KPNA7: variants seen among roughly 807,000 people sequenced by gnomAD.
KPNA7 encodes karyopherin subunit alpha 7.
A neutral mutation model predicts 53.7 loss-of-function variants in KPNA7; 54 were observed. The ratio of observed to expected loss-of-function variants is 1.01; its 90% CI spans 0.81 to 1.26. The LOEUF (loss-of-function observed/expected upper bound fraction) is 1.26. Among genes scored for constraint, KPNA7 ranks in the 50% most tolerant of loss-of-function variants. The probability of loss-of-function intolerance (pLI) is 0.00; values close to 1 mark genes in which losing one functional copy is unlikely to be tolerated. For synonymous variants in KPNA7, 276 were observed against 259.3 expected, an observed-to-expected ratio of 1.06 and a Z score of -0.62; for missense variants, 640 against 644.5, an observed-to-expected ratio of 0.99 and a Z score of 0.07.
the KPNA7 span, among the ~76,000 whole-genome samples, chr7:99,160,171 C>T: frequency 6.6e-6 from 1 of 151,442 alleles, no homozygotes; most frequent in African/African-American, 2.4e-5. Context: ...ACTACAGGTG[C>T]CCGCCACCAT....
downstream of KPNA7, among the ~76,000 whole-genome samples, chr7:99,169,241 G>A (rs1307937423): frequency 6.6e-6 from 1 of 152,208 alleles, no homozygotes; most frequent in East Asian, 1.9e-4. Context: ...AGGTCCCTGA[G>A]AAGGTAGGTG....
In KPNA7 at chr7:99,178,055, T is replaced by C. The variant is rs1005408254; in HGVS notation, c.1329A>G (p.Lys443=). 3.2e-6 allele frequency: 5 copies of C among 1,551,304 alleles called. No homozygotes were observed. The highest frequency in any genetic ancestry group is 3.9e-5 in the Admixed American group (2 of 50,932). ...GACACAGGTTTTCCTTCTCAGACCGTTTCTCTGCCGCCTGTGACCAAGTAC... is the reference window on the plus strand; with the variant it reads ...GACACAGGTTTTCCTTCTCAGACCGCTTCTCTGCCGCCTGTGACCAAGTAC... ...VISCILQAAE[K]RSEKENLCLL... is the part of the protein sequence containing the mutation. The change falls in exon 10 of 11, where the codon AAA becomes AAG. Residue 443 remains lysine (K), a synonymous_variant. Transcript: ENST00000327442.
At chr7:99,213,785 AT>A (rs960495039) in intron 1 of KPNA7, among the ~76,000 whole-genome samples, 3 of 151,472 alleles carry the variant, frequency 2.0e-5, no homozygotes, top group African/African-American at 7.3e-5. Flanking sequence ...TAATGTTTTC[AT>A]TTTTCAGAGA....
At position 99,185,094 on chromosome 7, in the gene KPNA7, A is replaced by G; in HGVS notation, c.969T>C (p.Asp323=). 1 of 1,552,004 alleles carries G rather than the reference A, an allele frequency of 6.4e-7. No homozygotes were observed. The highest frequency in any genetic ancestry group is 8.7e-7 in the Non-Finnish European group (1 of 1,147,068). The change falls in exon 8 of 11, where the codon GAT becomes GAC. Residue 323 remains aspartate, a synonymous_variant. Transcript: ENST00000327442. ...GTDEQTQMAI[D]AGMLNVLPQL... ...GGGGGAGCACGTTCAGCATACCCGC[A>G]TCAATGGCCATCTGCGTCTGCTCAT...
intron 10 of KPNA7, among the ~76,000 whole-genome samples, chr7:99,175,547 GCT>G (rs1282358606): frequency 6.6e-6 from 1 of 150,570 alleles, no homozygotes; most frequent in Non-Finnish European, 1.5e-5. Flanking sequence ...ATGGAGTTTT[GCT>G]CTGTTGCCCA....
At chr7:99,167,613 CTTTTTTTTTTTTTT>C in the KPNA7 span, among the ~76,000 whole-genome samples, 14 of 67,040 alleles carry the variant, frequency 2.1e-4, no homozygotes, top group African/African-American at 5.2e-4. Context: ...TCACACCCAA[CTTTTTTTTTTTTTT>C]TTTTTTTTTT....
upstream of KPNA7, among the ~76,000 whole-genome samples, chr7:99,209,942 G>A (rs1027828008): frequency 1.3e-5 from 2 of 151,932 alleles, no homozygotes; most frequent in African/African-American, 2.4e-5. Context: ...GGAAGTCAAG[G>A]CTGCAGTGAG....
the KPNA7 span, among the ~76,000 whole-genome samples, chr7:99,162,881 G>T: frequency 4.0e-5 from 6 of 151,564 alleles, no homozygotes; most frequent in South Asian, 1.0e-3. Flanking sequence ...CAGATTCTTT[G>T]AAAAAAAGTA....
At chr7:99,156,748 C>T in the KPNA7 span, among the ~76,000 whole-genome samples, 1 of 152,146 alleles carries the variant, frequency 6.6e-6, no homozygotes, top group Non-Finnish European at 1.5e-5. Context: ...TGGTCTCAAA[C>T]TCCTGACTTC....
intron 2 of KPNA7, among the ~76,000 whole-genome samples, chr7:99,203,657 C>T (rs1790659547): frequency 6.6e-6 from 1 of 152,024 alleles, no homozygotes; most frequent in South Asian, 2.1e-4. Context: ...GATTAGGGGA[C>T]TGCCCATGTC....
chr7:99,187,798 TTAAA>T (rs1789685867), intron 7 of KPNA7, among the ~76,000 whole-genome samples: 21 of 2,888 alleles, frequency 7.3e-3, no homozygotes, highest in East Asian at 0.026. Flanking sequence ...GCCTTTTTTT[TTAAA>T]AAAAAAAAAA....
chr7:99,173,552 G>T, downstream of KPNA7: 1 of 565,914 alleles, frequency 1.8e-6, no homozygotes, highest in Non-Finnish European at 3.1e-6. Context: ...TCGTTTATCT[G>T]AAGTTCAGAT....
chr7:99,153,954 A>T, the KPNA7 span, among the ~76,000 whole-genome samples: 1 of 151,964 alleles, frequency 6.6e-6, no homozygotes, highest in African/African-American at 2.4e-5. Context: ...GGTGACAGAG[A>T]GTCTCTAAAA....
At chr7:99,160,212 G>C in the KPNA7 span, among the ~76,000 whole-genome samples, 1 of 151,708 alleles carries the variant, frequency 6.6e-6, no homozygotes, top group Admixed American at 6.6e-5. Context: ...ATTTTTAGTA[G>C]AGACGGGGTT....
upstream of KPNA7, among the ~76,000 whole-genome samples, chr7:99,209,077 G>A (rs370499356): frequency 9.2e-5 from 14 of 152,214 alleles, no homozygotes; most frequent in South Asian, 4.1e-4. Flanking sequence ...ACTTGAATCC[G>A]GGAGGCGGAG....
In KPNA7 at chr7:99,195,338, C is replaced by T. The variant is rs1250957822; in HGVS notation, c.285G>A (p.Arg95=). 1.3e-6 allele frequency: 2 copies of T among 1,550,640 alleles called. No homozygotes were observed. Among genetic ancestry groups the T allele is most frequent in the Non-Finnish European group, 1.7e-6 (2 of 1,146,398 alleles). ...VLCFQATQTA[R]KMLSQEKNPP... is the part of the protein sequence containing the mutation. ...GGTTCTTTTCCTGGGATAGCATTTT[C>T]CTATGCAATGAAAGAGAGGGCAGGG... The change falls in exon 5 of 11, where the codon AGG becomes AGA. Residue 95 remains arginine, a splice_region_variant and synonymous_variant. Coordinates refer to ENST00000327442, the MANE Select transcript of KPNA7 (RefSeq NM_001145715.3).
At chr7:99,214,494 G>A (rs2150789079) in intron 1 of KPNA7, among the ~76,000 whole-genome samples, 1 of 148,972 alleles carries the variant, frequency 6.7e-6, no homozygotes, top group East Asian at 2.0e-4. Flanking sequence ...CAGTTGTGGT[G>A]GTGTGCACCT....
chr7:99,169,194 T>C (rs1798727766), downstream of KPNA7, among the ~76,000 whole-genome samples: 1 of 151,844 alleles, frequency 6.6e-6, no homozygotes, highest in African/African-American at 2.4e-5. Context: ...CTGAAACAAT[T>C]TTATTGGAAT....
chr7:99,146,785 C>A, the KPNA7 span, among the ~76,000 whole-genome samples: 115 of 148,124 alleles, frequency 7.8e-4, no homozygotes, highest in Middle Eastern at 7.3e-3. Context: ...AAGCTACCAG[C>A]CATTATAGCT....
Sources: allele counts gnomAD v4.1 joint callset (sites outside exome capture counted in the v4.1 genomes callset), GRCh38; gene constraint gnomAD v4.1.1; transcripts MANE v1.5; gene names NCBI Gene and HGNC (gene_info 2026-07-23, HGNC 2026-07-21).